TRAPPC9: variants seen among roughly 807,000 people sequenced by gnomAD.
TRAPPC9 encodes the protein IKK2 binding protein.
A neutral mutation model predicts 124.0 loss-of-function variants in TRAPPC9; 83 were observed. That is an observed-to-expected ratio of 0.67 (90% CI 0.56 to 0.80). The LOEUF (loss-of-function observed/expected upper bound fraction) is 0.80, where lower values mean the gene tolerates loss of function less well. Among genes scored for constraint, TRAPPC9 ranks in the 30% least tolerant of loss-of-function variants. The pLI is 0.00. For missense variants in TRAPPC9, 1,302 were observed against 1,508.3 expected (o/e 0.86, Z 2.27); for synonymous variants, 638 against 617.5 (o/e 1.03, Z -0.49).
At chr8:139,856,807 G>C (rs921208981) in intron 21 of TRAPPC9, among the ~76,000 whole-genome samples, 2 of 151,754 alleles carry the variant, frequency 1.3e-5, no homozygotes, top group Non-Finnish European at 2.9e-5. Context: ...AAACCAGTGA[G>C]GTGGAAGGAG....
At chr8:140,377,602 G>A (rs2068480921) in intron 7 of TRAPPC9, among the ~76,000 whole-genome samples, 1 of 152,104 alleles carries the variant, frequency 6.6e-6, no homozygotes. Flanking sequence ...GCCAAGTTCT[G>A]AGTTTCTTTA....
At chr8:140,409,735 C>A (rs1405733296) in intron 5 of TRAPPC9, among the ~76,000 whole-genome samples, 2 of 152,050 alleles carry the variant, frequency 1.3e-5, no homozygotes, top group African/African-American at 2.4e-5. Context: ...TAATATCTTA[C>A]CTTTTGCACA....
At chr8:139,821,705 A>C (rs758231364) in intron 21 of TRAPPC9, among the ~76,000 whole-genome samples, 9 of 152,256 alleles carry the variant, frequency 5.9e-5, no homozygotes, top group Non-Finnish European at 1.2e-4. Flanking sequence ...CAATGTTTTT[A>C]AAGTGCTTTC....
chr8:140,000,693 T>C (rs576613715), intron 18 of TRAPPC9, among the ~76,000 whole-genome samples: 8 of 152,290 alleles, frequency 5.3e-5, no homozygotes, highest in Admixed American at 2.6e-4. Flanking sequence ...TACCATCTCA[T>C]GCCAGTTAGA....
chr8:140,078,984 TG>T (rs1333353779), intron 17 of TRAPPC9, among the ~76,000 whole-genome samples: 4 of 152,060 alleles, frequency 2.6e-5, no homozygotes, highest in Non-Finnish European at 5.9e-5. Context: ...ATAATTCCCA[TG>T]GGAATTATGT....
At chr8:139,756,411 G>T (rs1454681126) in intron 21 of TRAPPC9, among the ~76,000 whole-genome samples, 3 of 128,700 alleles carry the variant, frequency 2.3e-5, no homozygotes, top group Admixed American at 7.7e-5. Context: ...AAGGACAGCA[G>T]ATCACAGGAG....
chr8:139,762,560 T>C (rs1210509758), intron 21 of TRAPPC9, among the ~76,000 whole-genome samples: 1 of 152,186 alleles, frequency 6.6e-6, no homozygotes, highest in Non-Finnish European at 1.5e-5. Flanking sequence ...ATGGTAAGTA[T>C]TTGTGTATTA....
chr8:140,057,858 G>T (rs1329250597), intron 17 of TRAPPC9, among the ~76,000 whole-genome samples: 9 of 152,156 alleles, frequency 5.9e-5, no homozygotes, highest in Non-Finnish European at 1.2e-4. Flanking sequence ...GAAAAAAAAT[G>T]AGAGCAAACT....
At chr8:140,089,216 C>CA (rs1282696835) in intron 17 of TRAPPC9, among the ~76,000 whole-genome samples, 1 of 152,160 alleles carries the variant, frequency 6.6e-6, no homozygotes, top group Non-Finnish European at 1.5e-5. Context: ...CAGCCCGCTT[C>CA]AAAAGCCTCT....
At chr8:140,372,849 T>C (rs555839715) in intron 7 of TRAPPC9, among the ~76,000 whole-genome samples, 1 of 152,290 alleles carries the variant, frequency 6.6e-6, no homozygotes, top group South Asian at 2.1e-4. Flanking sequence ...TACATTTCTA[T>C]TGTTTATCAG....
chr8:139,981,966 C>A (rs996918556), intron 19 of TRAPPC9, among the ~76,000 whole-genome samples: 1 of 152,112 alleles, frequency 6.6e-6, no homozygotes, highest in African/African-American at 2.4e-5. Context: ...GTCCCTGCAG[C>A]AAGCGAGGGG....
intron 8 of TRAPPC9, among the ~76,000 whole-genome samples, chr8:140,370,497 T>G (rs28502697): frequency 0.17 from 25,457 of 152,218 alleles, 2,410 homozygotes; most frequent in Middle Eastern, 0.36. Context: ...GCATTATCCT[T>G]GTACATATTT....
chr8:140,205,112 T>C (rs2062890572), intron 17 of TRAPPC9, among the ~76,000 whole-genome samples: 1 of 152,232 alleles, frequency 6.6e-6, no homozygotes, highest in Non-Finnish European at 1.5e-5. Flanking sequence ...TGTGATCACA[T>C]TAAGTAGCAA....
At chr8:140,325,644 A>G (rs1176145970) in intron 9 of TRAPPC9, among the ~76,000 whole-genome samples, 1 of 152,236 alleles carries the variant, frequency 6.6e-6, no homozygotes, top group Non-Finnish European at 1.5e-5. Context: ...AAAAATTTCC[A>G]TCCCAGATGG....
intron 21 of TRAPPC9, among the ~76,000 whole-genome samples, chr8:139,824,824 A>G (rs1373263723): frequency 6.6e-6 from 1 of 152,120 alleles, no homozygotes; most frequent in African/African-American, 2.4e-5. Context: ...CGGCCTCCCA[A>G]AGTGCTAGGA....
intron 4 of TRAPPC9, among the ~76,000 whole-genome samples, chr8:140,430,946 G>A (rs1325977263): frequency 6.6e-6 from 1 of 152,020 alleles, no homozygotes; most frequent in Admixed American, 6.5e-5. Context: ...GGCAGAGAAT[G>A]TGGTTTCATC....
intron 21 of TRAPPC9, among the ~76,000 whole-genome samples, chr8:139,770,483 C>T (rs1820885413): frequency 6.6e-6 from 1 of 152,230 alleles, no homozygotes; most frequent in African/African-American, 2.4e-5. Flanking sequence ...AAAGGTTCCA[C>T]AGGGAGCTGC....
chr8:139,932,285 C>A (rs529413873), intron 19 of TRAPPC9: 1 of 457,338 alleles, frequency 2.2e-6, no homozygotes, highest in African/African-American at 2.0e-5. Flanking sequence ...GGGTAGCCAC[C>A]ATGGGAGAAT....
chr8:140,167,984 T>C (rs955750610), intron 17 of TRAPPC9, among the ~76,000 whole-genome samples: 10 of 152,190 alleles, frequency 6.6e-5, no homozygotes, highest in Non-Finnish European at 1.3e-4. Context: ...CAGAAATCTA[T>C]GCAGCAACTG....
Sources: allele counts gnomAD v4.1 joint callset (sites outside exome capture counted in the v4.1 genomes callset), GRCh38; gene constraint gnomAD v4.1.1; transcripts MANE v1.5; gene names NCBI Gene and HGNC (gene_info 2026-07-23, HGNC 2026-07-21).